CPXM2: variants seen among roughly 807,000 people sequenced by gnomAD.
CPXM2 encodes the protein inactive carboxypeptidase-like protein X2.
A neutral mutation model predicts 86.1 loss-of-function variants in CPXM2; 66 were observed. That is an observed-to-expected ratio of 0.77 (90% confidence interval 0.63 to 0.94). The LOEUF (loss-of-function observed/expected upper bound fraction) is 0.94. CPXM2 is among the 40% of genes least tolerant of loss of function. The probability of loss-of-function intolerance (pLI) is 0.00; values close to 1 mark genes in which losing one functional copy is unlikely to be tolerated. For missense variants in CPXM2, 948 were observed against 1,026.3 expected, an observed-to-expected ratio of 0.92 and a Z score of 1.04; for synonymous variants, 388 against 400.2, an observed-to-expected ratio of 0.97 and a Z score of 0.36.
At chr10:123,880,066 C>G in intron 2 of CPXM2, 145 bp downstream of exon 2, 1 of 583,068 alleles carries the variant, frequency 1.7e-6, no homozygotes, top group East Asian at 2.8e-5. Flanking sequence ...GCCCCCGCAC[C>G]ATGGATCGGA....
intron 7 of CPXM2, among the ~76,000 whole-genome samples, chr10:123,773,651 G>C (rs1431227575): frequency 6.6e-6 from 1 of 152,150 alleles, no homozygotes; most frequent in Non-Finnish European, 1.5e-5. Context: ...GCAGCACACA[G>C]CCAATAAGAG....
In CPXM2 at chr10:123,762,120, A is replaced by C. The variant is rs898514605; in HGVS notation, c.1529T>G (p.Phe510Cys). The C allele has an allele frequency of 3.8e-5, 62 of 1,613,998 alleles. 1 individual carries two copies. The Admixed American group carries it at 1.0e-3, about 27-fold the overall frequency. The change falls in exon 11 of 14, where the codon TTT becomes TGT. Residue 510 changes from phenylalanine (F) to cysteine (C), a missense_variant. Coordinates refer to ENST00000241305, the MANE Select transcript of CPXM2 (RefSeq NM_198148.3). ...AVIAWMEKIPFVLGGNLQGGE... is the reference protein window; with the variant it reads ...AVIAWMEKIPCVLGGNLQGGE... ...GCCCTGCAGGTTGCCGCCCAGCACA[A>C]AAGGGATTTTTTCCATCCAGGCTAT...
intron 2 of CPXM2, among the ~76,000 whole-genome samples, chr10:123,875,496 T>C (rs1169192224): frequency 1.3e-5 from 2 of 152,178 alleles, no homozygotes; most frequent in Admixed American, 6.5e-5. Flanking sequence ...CTGTGCCAGA[T>C]GCCAAGAAGG....
chr10:123,786,425 G>C (rs1402575679), intron 6 of CPXM2, among the ~76,000 whole-genome samples: 1 of 152,160 alleles, frequency 6.6e-6, no homozygotes, highest in Non-Finnish European at 1.5e-5. Context: ...CCTGAAACAC[G>C]AGGCCTAAGC....
At chr10:123,884,242 A>T (rs76473895) in intron 1 of CPXM2, among the ~76,000 whole-genome samples, 5,969 of 152,264 alleles carry the variant, frequency 0.039, 170 homozygotes, top group East Asian at 0.12. Context: ...AGGAGAAAAA[A>T]ATGACCAAAG....
chr10:123,756,175 C>T (rs189335600), intron 12 of CPXM2, among the ~76,000 whole-genome samples: 12 of 152,314 alleles, frequency 7.9e-5, no homozygotes, highest in Non-Finnish European at 1.0e-4. Context: ...GAAGGGGAAC[C>T]TTGTGTCCAG....
intron 2 of CPXM2, chr10:123,913,879 C>A (rs544711394): frequency 9.2e-5 from 37 of 403,950 alleles, no homozygotes; most frequent in African/African-American, 4.9e-4. Flanking sequence ...CAGGAGGCAC[C>A]CCCCTCCCAG....
At chr10:123,877,232 T>C (rs184075479) in intron 2 of CPXM2, among the ~76,000 whole-genome samples, 3 of 152,328 alleles carry the variant, frequency 2.0e-5, no homozygotes, top group African/African-American at 7.2e-5. Context: ...AAAAGCTGTT[T>C]ACAGTAGCAA....
Position 123,859,494 on chromosome 10 carries a change from T to G in CPXM2, c.513+3120A>C, listed in dbSNP as rs191668663. Among the ~76,000 whole-genome samples, 11 of 152,174 alleles carry G rather than the reference T, an allele frequency of 7.2e-5. No individual in the cohort carries two copies. The East Asian group carries it at 1.9e-3, about 27-fold the overall frequency. On this transcript the variant is annotated intron_variant, in intron 3 of 13. Transcript: ENST00000241305. ...CTCCCCGTGGGGGACTGGGGCTGTATGTCGAAGCCCACAGACACACATTGC... is the reference window on the plus strand; with the variant it reads ...CTCCCCGTGGGGGACTGGGGCTGTAGGTCGAAGCCCACAGACACACATTGC...
chr10:123,914,078 G>T, intron 2 of CPXM2: 1 of 481,282 alleles, frequency 2.1e-6, no homozygotes, highest in East Asian at 5.9e-5. Flanking sequence ...TCTTTGGCAT[G>T]GAGCATGCAA....
chr10:123,880,009 C>T (rs1945054573), intron 2 of CPXM2, among the ~76,000 whole-genome samples: 1 of 152,208 alleles, frequency 6.6e-6, no homozygotes, highest in South Asian at 2.1e-4. Flanking sequence ...AGTAGTGAGG[C>T]AGTGCACAAG....
intron 1 of CPXM2, among the ~76,000 whole-genome samples, chr10:123,880,603 G>C (rs1056477572): frequency 6.6e-6 from 1 of 152,080 alleles, no homozygotes; most frequent in African/African-American, 2.4e-5. Context: ...GCTAAGGCGG[G>C]TGGATCACAA....
chr10:123,768,371 C>G (rs1042245584), intron 9 of CPXM2, 155 bp downstream of exon 9: 1 of 378,116 alleles, frequency 2.6e-6, no homozygotes, highest in Non-Finnish European at 4.2e-6. Context: ...GAGACTCCGA[C>G]TCAAAAAATA....
At chr10:123,857,607 G>A (rs1051780290) in intron 3 of CPXM2, among the ~76,000 whole-genome samples, 10 of 141,906 alleles carry the variant, frequency 7.0e-5, no homozygotes, top group Non-Finnish European at 1.1e-4. Context: ...GATGGAAGGC[G>A]GCGTGGAGAT....
intron 6 of CPXM2, among the ~76,000 whole-genome samples, chr10:123,783,917 G>C (rs1846992538): frequency 2.0e-5 from 3 of 152,192 alleles, no homozygotes; most frequent in Admixed American, 2.0e-4. Context: ...ACAAACTCCA[G>C]AAGTAGCGCC....
chr10:123,883,585 G>A (rs1945130046), intron 1 of CPXM2, among the ~76,000 whole-genome samples: 1 of 152,238 alleles, frequency 6.6e-6, no homozygotes. Context: ...AGCTATTCCA[G>A]TTGCTGGAGG....
intron 10 of CPXM2, among the ~76,000 whole-genome samples, chr10:123,765,024 A>G (rs1321428516): frequency 6.6e-6 from 1 of 152,104 alleles, no homozygotes; most frequent in Non-Finnish European, 1.5e-5. Flanking sequence ...TTTATTTTCT[A>G]AATACATGAT....
At chr10:123,942,722 C>G (rs565082348), upstream of CPXM2, among the ~76,000 whole-genome samples, 1 of 152,196 alleles carries the variant, frequency 6.6e-6, no homozygotes, top group Non-Finnish European at 1.5e-5. Flanking sequence ...CAGGAGGGCT[C>G]TCACTATGGA....
At chr10:123,854,771 C>G (rs1272023696) in intron 3 of CPXM2, among the ~76,000 whole-genome samples, 3 of 151,882 alleles carry the variant, frequency 2.0e-5, no homozygotes, top group African/African-American at 7.3e-5. Context: ...GGATGACCGT[C>G]TTCTGGATGT....
Sources: gnomAD v4.1 joint callset for allele counts (sites outside exome capture counted in the v4.1 genomes callset) on GRCh38, gnomAD v4.1.1 for gene constraint, MANE v1.5 for transcripts, NCBI Gene and HGNC (gene_info 2026-07-23, HGNC 2026-07-21) for gene names.